Variants in RPGRIP1L observed in about 807,000 individuals in gnomAD.
The protein encoded by RPGRIP1L is protein fantom.
In RPGRIP1L, 131 loss-of-function variants were observed where a neutral mutation model predicts 160.4. That is an observed-to-expected ratio of 0.82 (90% CI 0.71 to 0.94). The LOEUF (loss-of-function observed/expected upper bound fraction) is 0.94. Ranked by LOEUF, RPGRIP1L falls within the 40% of genes least tolerant of loss-of-function variation. The pLI, the probability that RPGRIP1L is intolerant of heterozygous loss-of-function variation, is 0.00. For missense variants in RPGRIP1L, 1,522 were observed against 1,535.8 expected, an observed-to-expected ratio of 0.99 and a Z score of 0.15; for synonymous variants, 510 against 515.8, an observed-to-expected ratio of 0.99 and a Z score of 0.15.
intron 19 of RPGRIP1L, 35 bp downstream of exon 19, chr16:53,640,998 T>C (rs745335658): frequency 2.1e-6 from 3 of 1,431,266 alleles, no homozygotes; most frequent in South Asian, 2.3e-5. Flanking sequence ...ATATTTGTTA[T>C]GAAAAAATCA....
intron 15 of RPGRIP1L, among the ~76,000 whole-genome samples, chr16:53,650,476 C>A (rs1217693399): frequency 1.3e-5 from 2 of 152,140 alleles, no homozygotes; most frequent in African/African-American, 2.4e-5. Context: ...GTAATCCCAG[C>A]ACTTTGGGAG....
chr16:53,700,764 C>A (rs1250207297), intron 1 of RPGRIP1L, 34 bp from the exon 2 acceptor site: 2 of 1,509,678 alleles, frequency 1.3e-6, no homozygotes, highest in Admixed American at 3.5e-5. Context: ...TAAACTCTTT[C>A]CAAATTATTA....
chr16:53,694,607 G>A (rs1970617650), intron 3 of RPGRIP1L: 1 of 151,998 alleles, frequency 6.6e-6, no homozygotes, highest in Non-Finnish European at 1.5e-5. Flanking sequence ...TGCCTCCCGG[G>A]TTCAAGCAAT....
intron 16 of RPGRIP1L, among the ~76,000 whole-genome samples, chr16:53,648,197 T>G (rs1598317128): frequency 2.0e-5 from 3 of 152,124 alleles, no homozygotes; most frequent in Middle Eastern, 6.8e-3. Flanking sequence ...CAAGGCCTTC[T>G]GCATTTATTG....
intron 16 of RPGRIP1L, among the ~76,000 whole-genome samples, chr16:53,647,066 G>A (rs1366484681): frequency 6.6e-6 from 1 of 152,160 alleles, no homozygotes; most frequent in African/African-American, 2.4e-5. Flanking sequence ...CAGAATCTGG[G>A]AGTCTAAAAA....
chr16:53,696,081 G>A (rs896310525), intron 3 of RPGRIP1L, 70 bp downstream of exon 3: 1 of 1,472,090 alleles, frequency 6.8e-7, no homozygotes, highest in Non-Finnish European at 9.5e-7. Flanking sequence ...ATTCAATTAA[G>A]TTTATAAAAT....
chr16:53,613,946 T>C (rs1964206535), intron 24 of RPGRIP1L, among the ~76,000 whole-genome samples: 2 of 152,226 alleles, frequency 1.3e-5, no homozygotes, highest in Admixed American at 1.3e-4. Context: ...TCCAGCAATG[T>C]TAGCCTCAAG....
rs748120890 is a variant in RPGRIP1L, at chr16:53,692,145, G to A, written c.450C>T (p.Tyr150=). 1.2e-6 allele frequency: 2 copies of A among 1,613,826 alleles called. No homozygotes were observed. Among genetic ancestry groups the A allele is most frequent in the Non-Finnish European group, 1.7e-6 (2 of 1,179,962 alleles). The change falls in exon 4 of 27, where the codon TAC becomes TAT. Residue 150 remains tyrosine (Y), a synonymous_variant. Coordinates refer to ENST00000647211, the MANE Select transcript of RPGRIP1L (RefSeq NM_015272.5). ...LQTQGYRQTP[Y]NNVQSRINTG... Reference sequence around the variant, plus strand: ...TGTTAATACGAGATTGTACATTATTGTATGGAGTTTGCCTGTAACCCTGGG... The same window carrying A: ...TGTTAATACGAGATTGTACATTATTATATGGAGTTTGCCTGTAACCCTGGG...
chr16:53,690,438 C>T (rs1476483160), intron 4 of RPGRIP1L, among the ~76,000 whole-genome samples: 1 of 152,070 alleles, frequency 6.6e-6, no homozygotes, highest in Non-Finnish European at 1.5e-5. Context: ...CCTTGTGATC[C>T]ACCTGCCTTG....
chr16:53,601,651 G>A lies in RPGRIP1L; in HGVS notation c.*425C>T. On this transcript the variant is annotated 3_prime_UTR_variant, in exon 27 of 27. Coordinates refer to ENST00000647211, the MANE Select transcript of RPGRIP1L (RefSeq NM_015272.5). ...AAAACTCTTAATGAAGCTAATCATA[G>A]GCATTCCATTTAGTGGGACGATTAG... 1 of 188,516 alleles carries A rather than the reference G, an allele frequency of 5.3e-6. No individual in the cohort carries two copies. The highest frequency in any genetic ancestry group is 1.1e-4 in the South Asian group (1 of 9,348). 11.7% of individuals were successfully genotyped at this position (188,516 alleles called of 1,614,324 possible).
intron 3 of RPGRIP1L, 173 bp downstream of exon 3, chr16:53,695,978 T>A (rs1216721986): frequency 1.6e-6 from 1 of 617,780 alleles, no homozygotes; most frequent in Admixed American, 2.8e-5. Context: ...CATAATCTTT[T>A]TGGTTTATTA....
At chr16:53,658,569 A>G in intron 11 of RPGRIP1L, 105 bp from the exon 12 acceptor site, 3 of 975,020 alleles carry the variant, frequency 3.1e-6, no homozygotes, top group South Asian at 2.7e-5. Context: ...GACTGATGCC[A>G]TGAACTAACA....
Position 53,645,860 on chromosome 16 carries a change from C to T in RPGRIP1L, c.2448G>A (p.Val816=), listed in dbSNP as rs140241814. 324 of 1,614,044 alleles carry T rather than the reference C, an allele frequency of 2.0e-4. No homozygotes were observed. Among genetic ancestry groups the T allele is most frequent in the Non-Finnish European group, 2.6e-4 (302 of 1,179,998 alleles). The change falls in exon 17 of 27, where the codon GTG becomes GTA. Residue 816 remains valine (V), a synonymous_variant. Transcript: ENST00000647211. The part of the protein sequence containing the change: ...ASHLQPHPYV[V]YKFFDFADHD... ...GGTCTGCAAAATCAAAAAACTTGTACACAACATATGGGTGTGGCTGCAGGT... is the reference window on the plus strand; with the variant it reads ...GGTCTGCAAAATCAAAAAACTTGTATACAACATATGGGTGTGGCTGCAGGT...
At chr16:53,653,349 GTCTC>G in intron 14 of RPGRIP1L, 1 of 1,071,450 alleles carries the variant, frequency 9.3e-7, no homozygotes, top group Non-Finnish European at 1.1e-6. Flanking sequence ...TATAAAGTCA[GTCTC>G]TCTTTCTGCT....
At chr16:53,657,742 T>A (rs1401603538) in intron 12 of RPGRIP1L, 110 bp from the exon 13 acceptor site, 3 of 669,674 alleles carry the variant, frequency 4.5e-6, no homozygotes, top group Admixed American at 2.9e-5. Flanking sequence ...AATTTTCAAT[T>A]TCATTAATTG....
intron 26 of RPGRIP1L, among the ~76,000 whole-genome samples, chr16:53,603,274 G>A (rs1963478878): frequency 6.6e-6 from 1 of 152,240 alleles, no homozygotes; most frequent in Non-Finnish European, 1.5e-5. Context: ...CTCAAGGCCA[G>A]AAACCTGGAT....
intron 15 of RPGRIP1L, among the ~76,000 whole-genome samples, 179 bp from the exon 16 acceptor site, chr16:53,649,294 G>C (rs902811047): frequency 1.3e-5 from 2 of 152,102 alleles, no homozygotes; most frequent in Non-Finnish European, 2.9e-5. Context: ...AGTTACTTCT[G>C]AAGTATGAGT....
Position 53,692,322 on chromosome 16 carries a change from T to A in RPGRIP1L, c.273A>T (p.Arg91Ser). 1.2e-6 allele frequency: 2 copies of A among 1,614,178 alleles called. No homozygotes were observed. The highest frequency in any genetic ancestry group is 8.5e-7 in the Non-Finnish European group (1 of 1,180,026). The change falls in exon 4 of 27, where the codon AGA becomes AGT. Residue 91 changes from arginine (R) to serine (S), a missense_variant. Arg to Ser is a moderately radical substitution (Grantham distance 110). Coordinates refer to ENST00000647211, the MANE Select transcript of RPGRIP1L (RefSeq NM_015272.5). ...TGGGGCCGCCACCAACCCGCTCATA[T>A]CTTTTCTTGTCATTAACTAGCCGTA... ...KLIRLVNDKK[R>S]YERVGGGPKR...
chr16:53,615,477 T>A (rs1157368770), intron 24 of RPGRIP1L, among the ~76,000 whole-genome samples: 149 of 136,138 alleles, frequency 1.1e-3, no homozygotes, highest in East Asian at 6.6e-3. Context: ...TATATATTTT[T>A]TTTTTTTTTT....
Sources: gnomAD v4.1 joint callset for allele counts (sites outside exome capture counted in the v4.1 genomes callset) on GRCh38, gnomAD v4.1.1 for gene constraint, MANE v1.5 for transcripts, NCBI Gene and HGNC (gene_info 2026-07-23, HGNC 2026-07-21) for gene names.